Variants in ANO4 observed in about 807,000 individuals in gnomAD.
The protein encoded by ANO4 is anoctamin 4.
ANO4 carries 69 observed loss-of-function variants against 141.9 expected under a neutral mutation model. The observed-to-expected ratio is 0.49, with a 90% CI of 0.40 to 0.59. The LOEUF (loss-of-function observed/expected upper bound fraction) is 0.59, where lower values mean the gene tolerates loss of function less well. ANO4 is among the 20% of genes least tolerant of loss of function. The pLI is 0.00. For synonymous variants in ANO4, 350 were observed against 394.3 expected (o/e 0.89, Z 1.33); for missense variants, 894 against 1,162.2 (o/e 0.77, Z 3.36).
At chr12:101,005,743 A>C (rs1347530574) in intron 8 of ANO4, among the ~76,000 whole-genome samples, 2 of 152,180 alleles carry the variant, frequency 1.3e-5, no homozygotes, top group Non-Finnish European at 2.9e-5. Context: ...ATAAATAGAT[A>C]ATTTTAGTAT....
exon 2 of ANO4, chr12:100,733,790 C>T (rs1241741177): frequency 1.7e-5 from 12 of 701,856 alleles, no homozygotes; most frequent in African/African-American, 7.0e-5. Context: ...ATGTGAGCAG[C>T]GGAAGTTATA....
chr12:101,016,935 G>A (rs1435679445), intron 8 of ANO4, among the ~76,000 whole-genome samples: 1 of 152,196 alleles, frequency 6.6e-6, no homozygotes, highest in African/African-American at 2.4e-5. Context: ...ATCATAGGTG[G>A]CACTACTGGA....
intron 4 of ANO4, among the ~76,000 whole-genome samples, chr12:100,941,096 A>G (rs998609812): frequency 6.6e-6 from 1 of 152,116 alleles, no homozygotes; most frequent in African/African-American, 2.4e-5. Context: ...TGGAAAATTA[A>G]TATTGGAGTG....
chr12:100,847,593 T>A (rs2037639933), intron 1 of ANO4, among the ~76,000 whole-genome samples: 1 of 151,604 alleles, frequency 6.6e-6, no homozygotes, highest in South Asian at 2.1e-4. Context: ...TGACTCAGCC[T>A]CCCGAGTAGC....
chr12:100,851,112 T>A (rs1000813510), intron 1 of ANO4, among the ~76,000 whole-genome samples: 4 of 152,140 alleles, frequency 2.6e-5, no homozygotes, highest in African/African-American at 9.6e-5. Flanking sequence ...GGTATCAATA[T>A]TTTTTAAACT....
At chr12:101,094,175 T>C in intron 17 of ANO4, 81 bp from the exon 18 acceptor site, 5 of 1,107,050 alleles carry the variant, frequency 4.5e-6, no homozygotes, top group Non-Finnish European at 6.8e-6. Flanking sequence ...GACTCGTGAT[T>C]TGACTCCCTA....
intron 3 of ANO4, 38 bp from the exon 4 acceptor site, chr12:100,939,276 AT>A (rs752758606): frequency 8.2e-6 from 13 of 1,576,728 alleles, no homozygotes; most frequent in South Asian, 1.2e-5. Context: ...AAGATCCCAG[AT>A]TTTTACCCAC....
At chr12:100,721,957 A>G (rs752959665) in intron 1 of ANO4, among the ~76,000 whole-genome samples, 2 of 151,416 alleles carry the variant, frequency 1.3e-5, no homozygotes, top group Non-Finnish European at 2.9e-5. Flanking sequence ...CCCTGCTGGA[A>G]TTACAGGTGT....
intron 1 of ANO4, among the ~76,000 whole-genome samples, chr12:100,879,122 A>C (rs75819593): frequency 1.3e-5 from 2 of 152,198 alleles, no homozygotes; most frequent in African/African-American, 4.8e-5. Flanking sequence ...AGCTTGCTTG[A>C]TATCAGTGTG....
In ANO4 at chr12:101,037,114, C is replaced by G. The variant is rs1003082600; in HGVS notation, c.861C>G (p.Thr287=). ...TTTTAGGTCTGAATCGTTTGCTTAC[C>G]AATGGCTCCTATGAAGCTGCGTTTC... ...KNKIGLNRLL[T]NGSYEAAFPL... Residue 287 remains threonine, a synonymous_variant, in exon 10 of 28, where the codon ACC becomes ACG. Coordinates refer to ENST00000392977, the MANE Select transcript of ANO4 (RefSeq NM_001286615.2). 3 of 1,613,840 alleles carry G rather than the reference C, an allele frequency of 1.9e-6. No homozygotes were observed. The highest frequency in any genetic ancestry group is 3.3e-5 in the Admixed American group (2 of 59,978).
At position 101,094,304 on chromosome 12, in the gene ANO4, CCTTT is replaced by C; in HGVS notation, c.1738+15_1738+18del. The C allele has an allele frequency of 2.5e-6, 4 of 1,603,710 alleles. No homozygotes were observed. Among genetic ancestry groups the C allele is most frequent in the Non-Finnish European group, 3.4e-6 (4 of 1,170,950 alleles). On this transcript the variant is annotated intron_variant, in intron 18 of 27. Coordinates refer to ENST00000392977, the MANE Select transcript of ANO4 (RefSeq NM_001286615.2). ...TCTGACGAATTTAGGTGAGTGGAATCCTTTCTATTTCATAGAACTGTACTGTGGG... is the reference window on the plus strand; with the variant it reads ...TCTGACGAATTTAGGTGAGTGGAATCCTATTTCATAGAACTGTACTGTGGG...
At chr12:100,896,742 G>A (rs970936368) in intron 1 of ANO4, among the ~76,000 whole-genome samples, 1 of 152,160 alleles carries the variant, frequency 6.6e-6, no homozygotes, top group South Asian at 2.1e-4. Context: ...GAAAGCCAAA[G>A]CAAGAGTTTA....
At chr12:100,831,967 C>CG in intron 1 of ANO4, among the ~76,000 whole-genome samples, 1 of 152,130 alleles carries the variant, frequency 6.6e-6, no homozygotes, top group South Asian at 2.1e-4. Flanking sequence ...ATAAATGTAG[C>CG]GGGCTGGTAC....
chr12:101,092,740 T>C (rs2049830376), intron 17 of ANO4, among the ~76,000 whole-genome samples: 1 of 152,192 alleles, frequency 6.6e-6, no homozygotes, highest in Non-Finnish European at 1.5e-5. Flanking sequence ...AAAATTACAA[T>C]GTTTTCAGTG....
intron 3 of ANO4, among the ~76,000 whole-genome samples, chr12:100,762,447 C>T (rs1258221504): frequency 6.6e-6 from 1 of 152,174 alleles, no homozygotes; most frequent in Non-Finnish European, 1.5e-5. Flanking sequence ...AGACCAGAAT[C>T]TCTAGTGCTT....
chr12:100,752,895 G>A (rs887712605), intron 3 of ANO4, among the ~76,000 whole-genome samples: 18 of 152,280 alleles, frequency 1.2e-4, no homozygotes, highest in South Asian at 4.1e-4. Context: ...GCATTTACTC[G>A]TTTATCTAGA....
intron 1 of ANO4, 66 bp from the exon 2 acceptor site, chr12:100,901,580 G>A (rs1047431998): frequency 1.6e-6 from 1 of 625,654 alleles, no homozygotes; most frequent in Non-Finnish European, 2.9e-6. Flanking sequence ...TCATATGAGA[G>A]CGTAACAGCC....
At chr12:100,744,049 C>T (rs2031989915) in intron 3 of ANO4, among the ~76,000 whole-genome samples, 1 of 152,166 alleles carries the variant, frequency 6.6e-6, no homozygotes, top group Non-Finnish European at 1.5e-5. Flanking sequence ...CCTTTCTATC[C>T]AATCCCCAGC....
At chr12:100,992,012 C>G (rs763486785) in intron 8 of ANO4, among the ~76,000 whole-genome samples, 3 of 152,176 alleles carry the variant, frequency 2.0e-5, no homozygotes, top group South Asian at 2.1e-4. Context: ...AGACACCTCT[C>G]TCATCTCTGC....
Sources: allele counts gnomAD v4.1 joint callset (sites outside exome capture counted in the v4.1 genomes callset), GRCh38; gene constraint gnomAD v4.1.1; transcripts MANE v1.5; gene names NCBI Gene and HGNC (gene_info 2026-07-23, HGNC 2026-07-21).